ELOVL5: variants seen among roughly 807,000 people sequenced by gnomAD.
ELOVL5 encodes very long chain fatty acid elongase 5.
ELOVL5 carries 8 observed loss-of-function variants against 38.6 expected under a neutral mutation model. The observed-to-expected ratio is 0.21, with a 90% CI of 0.12 to 0.37. The LOEUF (loss-of-function observed/expected upper bound fraction) is 0.37. Ranked by LOEUF, ELOVL5 falls within the 10% of genes least tolerant of loss-of-function variation. The pLI is 1.00. For synonymous variants in ELOVL5, 127 were observed against 133.7 expected (o/e 0.95, Z 0.34); for missense variants, 280 against 367.8 (o/e 0.76, Z 1.95).
intron 1 of ELOVL5, among the ~76,000 whole-genome samples, chr6:53,297,843 C>G (rs779246976): frequency 1.1e-4 from 17 of 152,266 alleles, no homozygotes; most frequent in Non-Finnish European, 2.1e-4. Context: ...AGCCACTTTC[C>G]TGCCCTAGAT....
chr6:53,299,629 C>T (rs1450171717), intron 1 of ELOVL5, among the ~76,000 whole-genome samples: 1 of 152,166 alleles, frequency 6.6e-6, no homozygotes, highest in Admixed American at 6.5e-5. Flanking sequence ...CCAAAAGAGA[C>T]TGTGGAATTT....
At chr6:53,272,157 T>C (rs1379246182) in intron 6 of ELOVL5, among the ~76,000 whole-genome samples, 3 of 152,210 alleles carry the variant, frequency 2.0e-5, no homozygotes, top group African/African-American at 7.2e-5. Flanking sequence ...CATAATTGAC[T>C]TGAAGGGATC....
intron 1 of ELOVL5, among the ~76,000 whole-genome samples, chr6:53,317,525 C>A (rs2127585415): frequency 6.6e-6 from 1 of 152,222 alleles, no homozygotes; most frequent in South Asian, 2.1e-4. Context: ...CCATCATTCT[C>A]AGCAAACTAT....
chr6:53,339,578 C>G (rs1477913361), intron 1 of ELOVL5, among the ~76,000 whole-genome samples: 3 of 152,176 alleles, frequency 2.0e-5, no homozygotes, highest in Non-Finnish European at 4.4e-5. Context: ...CAATGATACT[C>G]CTGTAACATT....
chr6:53,332,657 T>G (rs552342633), intron 1 of ELOVL5, among the ~76,000 whole-genome samples: 1 of 152,190 alleles, frequency 6.6e-6, no homozygotes, highest in South Asian at 2.1e-4. Context: ...AGAGGAGTGA[T>G]CACTCAGAAT....
chr6:53,275,259 A>G lies in ELOVL5; in HGVS notation c.327T>C (p.Ile109=). The change falls in exon 5 of 8, where the codon ATT becomes ATC. Residue 109 remains isoleucine, a splice_region_variant and synonymous_variant. Transcript: ENST00000304434. ...AGTAGTACCACCAGAGGACACGGAT[A>G]ATCTAAGAGGAAAGGGTCAAAGATT... ...TRTAGESDMK[I]IRVLWWYYFS... The G allele has an allele frequency of 6.2e-7, 1 of 1,614,058 alleles. No individual in the cohort carries two copies. The highest frequency in any genetic ancestry group is 2.2e-5 in the East Asian group (1 of 44,886).
chr6:53,281,033 G>C (rs975155109), intron 3 of ELOVL5, among the ~76,000 whole-genome samples: 16 of 152,092 alleles, frequency 1.1e-4, no homozygotes, highest in African/African-American at 2.4e-4. Flanking sequence ...CAGGAAACAA[G>C]GTCACTGGAA....
At chr6:53,321,184 C>A (rs150318477) in intron 1 of ELOVL5, among the ~76,000 whole-genome samples, 38 of 152,286 alleles carry the variant, frequency 2.5e-4, no homozygotes, top group African/African-American at 8.7e-4. Context: ...AATTGACAGC[C>A]CATGCCATAC....
Position 53,276,246 on chromosome 6 carries a change from CCTGTTA to C in ELOVL5, c.251_256del (p.Val84_Thr85del). ...GAAGTTGTATTTGCCTTCCCATACT[CCTGTTA>C]CTAACTAAAAAAGAAGAAAGAGCCA... On this transcript the variant is annotated inframe_deletion, in exon 4 of 8. Transcript: ENST00000304434. 6.2e-7 allele frequency: 1 copy of C among 1,610,822 alleles called. No individual in the cohort carries two copies. Among genetic ancestry groups the C allele is most frequent in the Non-Finnish European group, 8.5e-7 (1 of 1,177,062 alleles).
intron 1 of ELOVL5, among the ~76,000 whole-genome samples, chr6:53,318,208 A>G (rs543062007): frequency 2.0e-5 from 3 of 152,304 alleles, no homozygotes. Flanking sequence ...GAAAATATGG[A>G]AAGTAGAGAA....
intron 1 of ELOVL5, among the ~76,000 whole-genome samples, chr6:53,313,748 C>A (rs1156522225): frequency 1.3e-5 from 2 of 149,346 alleles, no homozygotes; most frequent in African/African-American, 5.0e-5. Flanking sequence ...AACAAAAAAA[C>A]TGTGCTTTCT....
intron 1 of ELOVL5, among the ~76,000 whole-genome samples, chr6:53,346,432 T>C (rs1247764709): frequency 1.3e-5 from 2 of 152,258 alleles, no homozygotes; most frequent in Non-Finnish European, 2.9e-5. Context: ...GGATAAAACC[T>C]CACAGAGGTG....
At chr6:53,301,711 T>C (rs1226407318) in intron 1 of ELOVL5, among the ~76,000 whole-genome samples, 1 of 150,174 alleles carries the variant, frequency 6.7e-6, no homozygotes, top group Non-Finnish European at 1.5e-5. Flanking sequence ...TAAAAATGGA[T>C]TACGGGCAGG....
chr6:53,289,728 A>G (rs368870992), intron 3 of ELOVL5, among the ~76,000 whole-genome samples: 1 of 152,232 alleles, frequency 6.6e-6, no homozygotes, highest in Non-Finnish European at 1.5e-5. Context: ...CAAAACAAAC[A>G]AACAGAAAAA....
intron 1 of ELOVL5, among the ~76,000 whole-genome samples, chr6:53,346,363 A>G (rs1769541428): frequency 6.6e-6 from 1 of 152,192 alleles, no homozygotes; most frequent in Non-Finnish European, 1.5e-5. Context: ...TGGTGCTGCA[A>G]TAAACATACG....
chr6:53,348,695 C>G, intron 1 of ELOVL5, 122 bp downstream of exon 1: 1 of 368,230 alleles, frequency 2.7e-6, no homozygotes, highest in South Asian at 1.9e-5. Context: ...GCAGCTCTTT[C>G]TCGGCACCAG....
intron 1 of ELOVL5, among the ~76,000 whole-genome samples, chr6:53,307,913 C>T (rs2127581618): frequency 6.6e-6 from 1 of 152,258 alleles, no homozygotes; most frequent in South Asian, 2.1e-4. Context: ...GCCAAAGTCA[C>T]AGAGGTTGGG....
chr6:53,324,278 A>G (rs1206997912), intron 1 of ELOVL5, among the ~76,000 whole-genome samples: 1 of 151,760 alleles, frequency 6.6e-6, no homozygotes, highest in East Asian at 1.9e-4. Context: ...AAAAAAAAGA[A>G]AAAAAAGAAA....
Position 53,275,130 on chromosome 6 carries a change from G to A in ELOVL5, c.456C>T (p.Asn152=), listed in dbSNP as rs1276632947. ...CCCAGTTCATCACAAACCACCAGAT[G>A]TTCAGCATCGAGGCATGGTGGTAGA... The part of the protein sequence containing the change: ...LHVYHHASML[N]IWWFVMNWVP... Residue 152 remains asparagine (N), a synonymous_variant, in exon 5 of 8, where the codon AAC becomes AAT. Transcript: ENST00000304434. 3 of 1,614,026 alleles carry A rather than the reference G, an allele frequency of 1.9e-6. No homozygotes were observed. The highest frequency in any genetic ancestry group is 3.3e-5 in the Admixed American group (2 of 60,004).
Sources: allele counts gnomAD v4.1 joint callset (sites outside exome capture counted in the v4.1 genomes callset), GRCh38; gene constraint gnomAD v4.1.1; transcripts MANE v1.5; gene names NCBI Gene and HGNC (gene_info 2026-07-23, HGNC 2026-07-21).